Variants in KCNB2 observed in about 807,000 individuals in gnomAD.
KCNB2 encodes the protein potassium voltage-gated channel subfamily B member 2.
Under a neutral mutation model 61.5 loss-of-function variants are expected in KCNB2, and 15 were observed. That is an observed-to-expected ratio of 0.24 (90% CI 0.16 to 0.38). The LOEUF is 0.38. Ranked by LOEUF, KCNB2 falls within the 10% of genes least tolerant of loss-of-function variation. The pLI is 1.00. For missense variants in KCNB2, 828 were observed against 1,125.2 expected (o/e 0.74, Z 3.78); for synonymous variants, 457 against 446.0 (o/e 1.02, Z -0.31).
At chr8:72,739,924 A>G (rs1369018368) in intron 2 of KCNB2, among the ~76,000 whole-genome samples, 1 of 152,164 alleles carries the variant, frequency 6.6e-6, no homozygotes, top group Non-Finnish European at 1.5e-5. Context: ...TACTGTACAC[A>G]AAACAGACAT....
At chr8:72,792,917 A>C (rs1808969995) in intron 2 of KCNB2, among the ~76,000 whole-genome samples, 1 of 152,336 alleles carries the variant, frequency 6.6e-6, no homozygotes, top group African/African-American at 2.4e-5. Flanking sequence ...CTTCTGATTA[A>C]ATATCTTAGA....
At chr8:72,640,373 G>A (rs1332882378) in intron 2 of KCNB2, among the ~76,000 whole-genome samples, 2 of 151,738 alleles carry the variant, frequency 1.3e-5, no homozygotes, top group Non-Finnish European at 2.9e-5. Context: ...CCAATCCTCT[G>A]TTTTGCTGGT....
At chr8:72,826,693 G>A (rs915371538) in intron 2 of KCNB2, among the ~76,000 whole-genome samples, 30 of 152,160 alleles carry the variant, frequency 2.0e-4, no homozygotes, top group African/African-American at 6.5e-4. Flanking sequence ...TGAAGTAATT[G>A]ACTCCTTAGA....
At chr8:72,706,511 G>A (rs1807226545) in intron 2 of KCNB2, among the ~76,000 whole-genome samples, 4 of 152,164 alleles carry the variant, frequency 2.6e-5, no homozygotes, top group African/African-American at 7.2e-5. Context: ...TCCCCAGAAA[G>A]GTAAATTACC....
chr8:72,555,206 A>G (rs1806404627), intron 1 of KCNB2, among the ~76,000 whole-genome samples: 1 of 151,962 alleles, frequency 6.6e-6, no homozygotes, highest in Non-Finnish European at 1.5e-5. Context: ...TACCCATCCC[A>G]AGGAGGGATG....
At chr8:72,589,352 A>G (rs1320206880) in intron 2 of KCNB2, among the ~76,000 whole-genome samples, 1 of 152,202 alleles carries the variant, frequency 6.6e-6, no homozygotes, top group African/African-American at 2.4e-5. Context: ...GTCTAAAAAA[A>G]GAAAAAAAGA....
chr8:72,745,042 C>G (rs919947606), intron 2 of KCNB2, among the ~76,000 whole-genome samples: 2 of 152,148 alleles, frequency 1.3e-5, no homozygotes, highest in African/African-American at 4.8e-5. Flanking sequence ...CAGAAAGAAC[C>G]CAGCACACTG....
chr8:72,815,543 A>G (rs141587700), intron 2 of KCNB2, among the ~76,000 whole-genome samples: 182 of 152,304 alleles, frequency 1.2e-3, no homozygotes, highest in African/African-American at 3.9e-3. Flanking sequence ...ATTGCTTATC[A>G]TATCATCTAA....
chr8:72,657,946 G>A (rs1585811578), intron 2 of KCNB2, among the ~76,000 whole-genome samples: 1 of 152,038 alleles, frequency 6.6e-6, no homozygotes, highest in Non-Finnish European at 1.5e-5. Flanking sequence ...CTGCTCCATC[G>A]ATCAGCTCTT....
chr8:72,716,772 T>A (rs2128992363), intron 2 of KCNB2, among the ~76,000 whole-genome samples: 1 of 151,434 alleles, frequency 6.6e-6, no homozygotes, highest in East Asian at 1.9e-4. Context: ...ATGCCCTCTC[T>A]CACCACTCCT....
At chr8:72,909,823 G>T (rs1442077157) in intron 2 of KCNB2, among the ~76,000 whole-genome samples, 1 of 152,160 alleles carries the variant, frequency 6.6e-6, no homozygotes, top group Non-Finnish European at 1.5e-5. Context: ...CTACGGGATG[G>T]TGGGACCTTC....
intron 2 of KCNB2, among the ~76,000 whole-genome samples, chr8:72,762,672 A>G (rs548544042): frequency 6.6e-6 from 1 of 152,252 alleles, no homozygotes; most frequent in Admixed American, 6.5e-5. Context: ...AGAGGATTCA[A>G]TGAAATAATA....
intron 2 of KCNB2, among the ~76,000 whole-genome samples, chr8:72,832,922 A>G (rs575365284): frequency 3.3e-5 from 5 of 152,352 alleles, no homozygotes; most frequent in African/African-American, 1.2e-4. Context: ...TATTTGCTAT[A>G]TAAACATCCT....
chr8:72,775,158 CCCTTCCGGTCAGGG>C (rs1808627443), intron 2 of KCNB2, among the ~76,000 whole-genome samples: 2 of 152,156 alleles, frequency 1.3e-5, no homozygotes, highest in South Asian at 2.1e-4. Flanking sequence ...ACCAGCTCTG[CCCTTCCGGTCAGGG>C]CCTTCCACAG....
At chr8:72,829,939 G>C (rs1328508757) in intron 2 of KCNB2, among the ~76,000 whole-genome samples, 1 of 149,918 alleles carries the variant, frequency 6.7e-6, no homozygotes, top group Non-Finnish European at 1.5e-5. Flanking sequence ...GGATAAAAGG[G>C]TAGTAAGAAG....
intron 2 of KCNB2, among the ~76,000 whole-genome samples, chr8:72,771,759 G>C (rs575528193): frequency 1.6e-4 from 24 of 152,138 alleles, no homozygotes; most frequent in Non-Finnish European, 2.5e-4. Flanking sequence ...TCAAAAGCCA[G>C]GTATTCAAGG....
chr8:72,739,385 G>A (rs142573404), intron 2 of KCNB2, among the ~76,000 whole-genome samples: 100 of 152,188 alleles, frequency 6.6e-4, no homozygotes, highest in African/African-American at 2.4e-3. Context: ...AGGGGAATTA[G>A]ACGAGTAGAG....
chr8:72,923,190 G>C (rs1245167679), intron 2 of KCNB2, among the ~76,000 whole-genome samples: 4 of 152,014 alleles, frequency 2.6e-5, no homozygotes, highest in Admixed American at 2.6e-4. Flanking sequence ...GAAGCCTTCA[G>C]GTAGAAGGCT....
chr8:72,723,092 G>C (rs1263415228), intron 2 of KCNB2, among the ~76,000 whole-genome samples: 1 of 152,180 alleles, frequency 6.6e-6, no homozygotes, highest in Non-Finnish European at 1.5e-5. Context: ...GGACTGAGAA[G>C]TATTTGATTT....
Sources: allele counts gnomAD v4.1 joint callset (sites outside exome capture counted in the v4.1 genomes callset), GRCh38; gene constraint gnomAD v4.1.1; transcripts MANE v1.5; gene names NCBI Gene and HGNC (gene_info 2026-07-23, HGNC 2026-07-21).